Variants in GALNT17 observed in about 807,000 individuals in gnomAD.
The protein encoded by GALNT17 is polypeptide N-acetylgalactosaminyltransferase 17.
GALNT17 carries 29 observed loss-of-function variants against 63.7 expected under a neutral mutation model. That is an observed-to-expected ratio of 0.46 (90% CI 0.34 to 0.62). The LOEUF (loss-of-function observed/expected upper bound fraction) is 0.62. Ranked by LOEUF, GALNT17 falls within the 20% of genes least tolerant of loss-of-function variation. The probability of loss-of-function intolerance (pLI) is 0.01; values close to 1 mark genes in which losing one functional copy is unlikely to be tolerated. For missense variants in GALNT17, 603 were observed against 799.6 expected (o/e 0.75, Z 2.97); for synonymous variants, 305 against 318.3 (o/e 0.96, Z 0.45).
chr7:71,644,302 C>A (rs1026797426), intron 6 of GALNT17, among the ~76,000 whole-genome samples: 1 of 151,352 alleles, frequency 6.6e-6, no homozygotes, highest in Non-Finnish European at 1.5e-5. Context: ...TTTGGAAGGT[C>A]AAGGTGAGCG....
chr7:71,429,240 G>T (rs1236284887), intron 5 of GALNT17, among the ~76,000 whole-genome samples: 1 of 152,108 alleles, frequency 6.6e-6, no homozygotes, highest in African/African-American at 2.4e-5. Context: ...GAAGGGGTGG[G>T]GACTGATTGG....
intron 6 of GALNT17, among the ~76,000 whole-genome samples, chr7:71,623,715 C>T (rs1426649772): frequency 2.6e-5 from 4 of 152,146 alleles, no homozygotes; most frequent in East Asian, 1.9e-4. Context: ...GGATTACCGG[C>T]GTGAGCCACC....
At chr7:71,425,975 G>A (rs997271435) in intron 5 of GALNT17, among the ~76,000 whole-genome samples, 1 of 152,114 alleles carries the variant, frequency 6.6e-6, no homozygotes, top group African/African-American at 2.4e-5. Context: ...GCCAGAGTAG[G>A]AGGAAGAAGA....
chr7:71,194,368 A>G (rs1444456179), intron 1 of GALNT17, among the ~76,000 whole-genome samples: 3 of 152,196 alleles, frequency 2.0e-5, no homozygotes, highest in Admixed American at 6.5e-5. Flanking sequence ...ATTTCACTGC[A>G]CACATTTTTT....
chr7:71,700,121 A>T (rs1185360025), intron 9 of GALNT17, among the ~76,000 whole-genome samples: 1 of 151,692 alleles, frequency 6.6e-6, no homozygotes, highest in South Asian at 2.1e-4. Flanking sequence ...GCGAAAGCCC[A>T]TGTCTACTAA....
chr7:71,251,355 A>C (rs1790194560), intron 1 of GALNT17, among the ~76,000 whole-genome samples: 1 of 152,210 alleles, frequency 6.6e-6, no homozygotes, highest in Non-Finnish European at 1.5e-5. Context: ...AGCATGATAT[A>C]TTCTTAAGGT....
At chr7:71,391,811 G>A (rs574642667) in intron 3 of GALNT17, among the ~76,000 whole-genome samples, 1 of 152,096 alleles carries the variant, frequency 6.6e-6, no homozygotes, top group Non-Finnish European at 1.5e-5. Context: ...TAAAAAGAAG[G>A]TTTTATTTGT....
chr7:71,378,794 G>A (rs1459116525), intron 2 of GALNT17, among the ~76,000 whole-genome samples: 2 of 151,422 alleles, frequency 1.3e-5, no homozygotes, highest in Non-Finnish European at 2.9e-5. Context: ...GACCAGCCTG[G>A]GCAACACACT....
At chr7:71,598,191 C>T (rs1283374402) in intron 6 of GALNT17, among the ~76,000 whole-genome samples, 1 of 152,202 alleles carries the variant, frequency 6.6e-6, no homozygotes, top group Non-Finnish European at 1.5e-5. Flanking sequence ...CTCTGCCTGC[C>T]TTGGCCTCCC....
chr7:71,489,127 C>T (rs1241825164), intron 5 of GALNT17, among the ~76,000 whole-genome samples: 2 of 151,968 alleles, frequency 1.3e-5, no homozygotes, highest in Non-Finnish European at 2.9e-5. Flanking sequence ...CTCCTGGCCT[C>T]AAGTGATCTG....
intron 5 of GALNT17, among the ~76,000 whole-genome samples, chr7:71,506,863 T>C (rs1788277420): frequency 6.6e-6 from 1 of 152,240 alleles, no homozygotes; most frequent in Non-Finnish European, 1.5e-5. Context: ...GCAAAGTAAT[T>C]GCCATTGAAA....
intron 1 of GALNT17, among the ~76,000 whole-genome samples, chr7:71,329,256 C>A (rs1563006884): frequency 6.6e-6 from 1 of 151,926 alleles, no homozygotes; most frequent in Non-Finnish European, 1.5e-5. Context: ...GGGAAGTTAG[C>A]AAGTACTGGG....
At chr7:71,666,047 C>T (rs1400038535) in intron 7 of GALNT17, among the ~76,000 whole-genome samples, 2 of 152,024 alleles carry the variant, frequency 1.3e-5, no homozygotes, top group Admixed American at 6.6e-5. Flanking sequence ...AGAAGATGGC[C>T]CAAGGAAATT....
intron 5 of GALNT17, among the ~76,000 whole-genome samples, chr7:71,459,649 T>G (rs564255589): frequency 6.6e-6 from 1 of 152,296 alleles, no homozygotes; most frequent in African/African-American, 2.4e-5. Flanking sequence ...CAAAACATGT[T>G]TCTTGGCCAT....
At chr7:71,265,707 A>T (rs1790480868) in intron 1 of GALNT17, among the ~76,000 whole-genome samples, 1 of 152,140 alleles carries the variant, frequency 6.6e-6, no homozygotes, top group South Asian at 2.1e-4. Context: ...AGATTTAAGG[A>T]GATAAGTGTG....
In GALNT17 at chr7:71,132,187, C is replaced by T. The variant is rs1023444976; in HGVS notation, c.-616C>T. On this transcript the variant is annotated 5_prime_UTR_variant, in exon 1 of 11. The change creates a premature stop within an existing upstream ORF in the 5' untranslated region. Transcript: ENST00000333538. ...CGGAGCCTGGAGGATGCGGGCTCCC[C>T]GAGCGGGCTTCCCCTCTGCCCGGCG... 1 of 152,580 alleles carries T rather than the reference C, an allele frequency of 6.6e-6. No homozygotes were observed. The highest frequency in any genetic ancestry group is 2.4e-5 in the African/African-American group (1 of 41,444). 9.5% of individuals were successfully genotyped at this position (152,580 alleles called of 1,614,324 possible). A position where few individuals can be genotyped will look rare whatever the true frequency, so the allele number is the denominator to read the frequency against.
intron 1 of GALNT17, among the ~76,000 whole-genome samples, chr7:71,250,094 A>G (rs181823743): frequency 6.6e-6 from 1 of 152,316 alleles, no homozygotes; most frequent in African/African-American, 2.4e-5. Flanking sequence ...AACATTTCCA[A>G]ACATCCATTT....
Position 71,135,693 on chromosome 7 carries a change from G to A in GALNT17, c.238+2653G>A, listed in dbSNP as rs184041028. On this transcript the variant is annotated intron_variant, in intron 1 of 10. Coordinates refer to ENST00000333538, the MANE Select transcript of GALNT17 (RefSeq NM_022479.3). Reference sequence around the variant, plus strand: ...CTAACAAACTTGGGACAGGGCCCTCGACCCACTGCCCAACAGTCTGCTGCC... The same window carrying A: ...CTAACAAACTTGGGACAGGGCCCTCAACCCACTGCCCAACAGTCTGCTGCC... 2.5e-4 allele frequency among the ~76,000 whole-genome samples: 38 copies of A among 152,298 alleles called. 1 individual carries two copies. In the East Asian group the frequency reaches 6.0e-3, roughly 24 times the overall value.
chr7:71,469,576 G>A (rs998880726), intron 5 of GALNT17, among the ~76,000 whole-genome samples: 4 of 152,178 alleles, frequency 2.6e-5, no homozygotes, highest in African/African-American at 7.2e-5. Context: ...GGGTACAAAC[G>A]AAGATTGCTT....
Sources: gnomAD v4.1 joint callset for allele counts (sites outside exome capture counted in the v4.1 genomes callset) on GRCh38, gnomAD v4.1.1 for gene constraint, MANE v1.5 for transcripts, NCBI Gene and HGNC (gene_info 2026-07-23, HGNC 2026-07-21) for gene names.